PIWIL1: variants seen among roughly 807,000 people sequenced by gnomAD.
PIWIL1 encodes the protein piwi like RNA-mediated gene silencing 1.
Under a neutral mutation model 114.4 loss-of-function variants are expected in PIWIL1, and 73 were observed. The observed-to-expected ratio is 0.64, with a 90% CI of 0.53 to 0.78. PIWIL1 has a LOEUF of 0.78. Among genes scored for constraint, PIWIL1 ranks in the 30% least tolerant of loss-of-function variants. The pLI is 0.00. For synonymous variants in PIWIL1, 375 were observed against 369.0 expected (o/e 1.02, Z -0.19); for missense variants, 723 against 1,063.1 (o/e 0.68, Z 4.45).
chr12:130,367,269 T>G lies in PIWIL1; in HGVS notation c.2321+11T>G, dbSNP rs367879582. 4 of 1,606,780 alleles carry G rather than the reference T, an allele frequency of 2.5e-6. No homozygotes were observed. The South Asian group carries it at 3.3e-5, about 13-fold the overall frequency. ...TACCAGACCAGAATGGTAAGTTCCATGTGATGAGCTGAAGGTTGTTTTCTC... is the reference window on the plus strand; with the variant it reads ...TACCAGACCAGAATGGTAAGTTCCAGGTGATGAGCTGAAGGTTGTTTTCTC... On this transcript the variant is annotated intron_variant, in intron 19 of 20. Transcript: ENST00000245255.
In PIWIL1 at chr12:130,371,564, A is replaced by G; in HGVS notation, c.2552A>G (p.Asn851Ser). Residue 851 changes from asparagine to serine, a missense_variant, in exon 21 of 21, where the codon AAT becomes AGT. Physicochemically the swap from Asn to Ser is conservative, Grantham distance 46. This residue lies in a region of PIWIL1 where 106 missense variants were observed against 182.8 expected (regional missense o/e 0.58). Transcript: ENST00000245255. ...LVGQSIHREPNLSLSNRLYYL is the reference protein window; with the variant it reads ...LVGQSIHREPSLSLSNRLYYL The stretch of plus-strand genomic sequence containing the variant: ...GGCCAGAGTATTCACAGAGAGCCAA[A>G]TCTGTCACTGTCAAACCGCCTTTAC... 1 of 1,613,902 alleles carries G rather than the reference A, an allele frequency of 6.2e-7. No individual in the cohort carries two copies. The highest frequency in any genetic ancestry group is 8.5e-7 in the Non-Finnish European group (1 of 1,179,770).
At chr12:130,415,654 C>G in the PIWIL1 span, among the ~76,000 whole-genome samples, 1 of 78,742 alleles carries the variant, frequency 1.3e-5, no homozygotes, top group Non-Finnish European at 3.3e-5. Context: ...AACAAGAAGT[C>G]AAATTCTCTC....
chr12:130,349,960 A>G lies in PIWIL1; in HGVS notation c.1037A>G (p.Tyr346Cys), dbSNP rs764617250. Residue 346 changes from tyrosine (Y) to cysteine (C), a missense_variant, in exon 9 of 21, where the codon TAC becomes TGC. Physicochemically the swap from Tyr to Cys is radical, Grantham distance 194 (BLOSUM62 -2). This residue lies in a region of PIWIL1 where 298 missense variants were observed against 420.8 expected (regional missense o/e 0.71). Transcript: ENST00000245255. ...DGSEVSFLEY[Y>C]RKQYNQEITD... is the part of the protein sequence containing the mutation. The stretch of plus-strand genomic sequence containing the variant: ...TCTGAAGTCAGCTTCTTAGAATACT[A>G]CAGGAAGGTAAGATGCCAGTGGTTA... 3 of 1,587,046 alleles carry G rather than the reference A, an allele frequency of 1.9e-6. No individual in the cohort carries two copies. Among genetic ancestry groups the G allele is most frequent in the South Asian group, 1.1e-5 (1 of 88,832 alleles).
At chr12:130,375,314 C>T (rs1033348809), downstream of PIWIL1, among the ~76,000 whole-genome samples, 2 of 152,206 alleles carry the variant, frequency 1.3e-5, no homozygotes, top group Admixed American at 6.5e-5. Context: ...AATTCATGAT[C>T]ACAAGCAGGT....
the PIWIL1 span, among the ~76,000 whole-genome samples, chr12:130,417,402 G>A: frequency 5.9e-3 from 897 of 152,348 alleles, 12 homozygotes; most frequent in African/African-American, 0.021. Flanking sequence ...ATGCTATGCA[G>A]CCAGAGAAAT....
At chr12:130,340,701 G>A (rs1000029835) in intron 1 of PIWIL1, among the ~76,000 whole-genome samples, 14 of 151,686 alleles carry the variant, frequency 9.2e-5, no homozygotes, top group African/African-American at 2.4e-4. Context: ...TGCTGGGGAC[G>A]CTGCCTGTAG....
At chr12:130,410,576 T>C in the PIWIL1 span, among the ~76,000 whole-genome samples, 1 of 152,242 alleles carries the variant, frequency 6.6e-6, no homozygotes, top group South Asian at 2.1e-4. Context: ...TTTTGGCATA[T>C]GGATGTGCAG....
intron 1 of PIWIL1, among the ~76,000 whole-genome samples, chr12:130,338,524 G>T (rs2072783952): frequency 3.7e-5 from 1 of 26,960 alleles, no homozygotes; most frequent in Non-Finnish European, 9.1e-5. Flanking sequence ...GGTCCCAGGT[G>T]CGGGAGATGC....
intron 3 of PIWIL1, chr12:130,345,252 C>T (rs192994555): frequency 6.5e-5 from 10 of 153,084 alleles, no homozygotes; most frequent in Non-Finnish European, 1.3e-4. Flanking sequence ...TCTTCTGATT[C>T]TGAAGAGAGT....
chr12:130,421,691 A>ATGTGTATGTGTGTG, the PIWIL1 span, among the ~76,000 whole-genome samples: 1 of 147,188 alleles, frequency 6.8e-6, no homozygotes, highest in African/African-American at 2.5e-5. Flanking sequence ...CTGCATTTAT[A>ATGTGTATGTGTGTG]TGTGTGTGTG....
At chr12:130,412,490 C>T in the PIWIL1 span, 34,760 of 883,970 alleles carry the variant, frequency 0.039, 913 homozygotes, top group Non-Finnish European at 0.048. Context: ...CACTGGTCAA[C>T]ATTTACATGA....
the PIWIL1 span, among the ~76,000 whole-genome samples, chr12:130,392,181 C>T: frequency 2.7e-5 from 1 of 37,410 alleles, no homozygotes; most frequent in Admixed American, 2.2e-4. Context: ...TGTGATGACC[C>T]GGTCACCGTC....
rs1593128462 is a variant in PIWIL1 at position 130,371,532 on chromosome 12, T to C, written c.2520T>C (p.Phe840=). The C allele has an allele frequency of 6.2e-7, 1 of 1,614,218 alleles. No individual in the cohort carries two copies. Among genetic ancestry groups the C allele is most frequent in the Non-Finnish European group, 8.5e-7 (1 of 1,180,034 alleles). ...APCQYAHKLA[F]LVGQSIHREP... is the part of the protein sequence containing the mutation. ...GCCAGTACGCCCACAAGCTGGCTTT[T>C]CTTGTTGGCCAGAGTATTCACAGAG... Residue 840 remains phenylalanine, a synonymous_variant, in exon 21 of 21, where the codon TTT becomes TTC. Transcript: ENST00000245255.
At chr12:130,424,124 GA>G in the PIWIL1 span, 2 of 1,200,432 alleles carry the variant, frequency 1.7e-6, no homozygotes, top group Middle Eastern at 3.2e-4. This position sits in a 1 kb window ranked among gnomAD's most constrained non-coding sequence, Gnocchi z 9.8. Flanking sequence ...CTGTGAAAAG[GA>G]AGTTTAGGTC....
chr12:130,340,289 A>C (rs1461407012), intron 1 of PIWIL1, among the ~76,000 whole-genome samples: 1 of 152,046 alleles, frequency 6.6e-6, no homozygotes, highest in African/African-American at 2.4e-5. Flanking sequence ...TCTCAAGCGG[A>C]TGCTTTCAGA....
intron 13 of PIWIL1, 66 bp from the exon 14 acceptor site, chr12:130,357,415 G>A: frequency 8.8e-7 from 1 of 1,137,122 alleles, no homozygotes; most frequent in Admixed American, 1.9e-5. Context: ...TACACAGGAA[G>A]GTGTTTATGC....
rs140322637 is a variant in PIWIL1 at position 130,364,953 on chromosome 12, A to G, written c.2195+1809A>G. Among the ~76,000 whole-genome samples, 382 of 151,998 alleles carry G rather than the reference A, an allele frequency of 2.5e-3. 6 individuals are homozygous for G. The highest frequency in any genetic ancestry group is 0.019 in the South Asian group (91 of 4,812). On this transcript the variant is annotated intron_variant, in intron 18 of 20. Transcript: ENST00000245255. ...AATTGTAGGGCTACTAGGAGTACAC[A>G]CTCCTGGCCTTGCTGGGTCATCTCT...
the PIWIL1 span, chr12:130,397,443 C>T: frequency 7.5e-6 from 3 of 398,914 alleles, no homozygotes; most frequent in Admixed American, 4.4e-5. Flanking sequence ...CATTTCCCTG[C>T]CTCTCCCAGG....
intron 18 of PIWIL1, among the ~76,000 whole-genome samples, chr12:130,365,581 T>C (rs894251579): frequency 6.6e-6 from 1 of 152,230 alleles, no homozygotes; most frequent in African/African-American, 2.4e-5. Flanking sequence ...TAAGCTTTTA[T>C]AGCAACGTAT....
Sources: allele counts gnomAD v4.1 joint callset (sites outside exome capture counted in the v4.1 genomes callset), GRCh38; gene constraint gnomAD v4.1.1; regional missense constraint gnomAD v4.1.1; non-coding constraint Gnocchi (gnomAD v3.1); transcripts MANE v1.5; gene names NCBI Gene and HGNC (gene_info 2026-07-23, HGNC 2026-07-21).